The following BSN variants were observed in gnomAD, a reference collection of about 807,000 sequenced individuals.
BSN encodes the protein bassoon presynaptic cytomatrix protein, also known as protein bassoon.
A neutral mutation model predicts 264.8 loss-of-function variants in BSN; 57 were observed. The observed-to-expected ratio is 0.22, with a 90% confidence interval of 0.17 to 0.27. BSN has a LOEUF of 0.27. Ranked by LOEUF, BSN falls within the 10% of genes least tolerant of loss-of-function variation. The pLI is 1.00. For synonymous variants in BSN, 2,059 were observed against 2,137.3 expected (o/e 0.96, Z 1.01); for missense variants, 4,615 against 5,232.5 (o/e 0.88, Z 3.64).
rs766411304 is a variant in BSN, at chr3:49,657,028, C to T, written c.7472C>T (p.Ala2491Val). Residue 2491 changes from alanine to valine, a missense_variant, in exon 5 of 12, where the codon GCG (alanine) becomes GTG (valine). Around this residue, in one of 3 missense-constraint regions of BSN, gnomAD observed 3,415 missense variants for 3,866.4 expected, o/e 0.88. Coordinates refer to ENST00000296452, the MANE Select transcript of BSN (RefSeq NM_003458.4). ...GCACCTGGCCGAGGGCCTCCCCTAG[C>T]GGCTGCTGAGTTGGCCCAGAATGGC... The part of the protein sequence containing the change: ...CEAPGRGPPL[A>V]AAELAQNGQY... The T allele has an allele frequency of 2.4e-5, 38 of 1,610,162 alleles. No homozygotes were observed. The East Asian group carries it at 7.4e-4, about 31-fold the overall frequency.
chr3:49,556,105 T>A (rs2051669212), intron 1 of BSN, among the ~76,000 whole-genome samples: 1 of 152,244 alleles, frequency 6.6e-6, no homozygotes. Flanking sequence ...CTGCAAACAC[T>A]GTCCATTTTG....
rs1365562359 is a variant in BSN, at chr3:49,652,090, G to A, written c.2534G>A (p.Arg845Gln). 3.7e-6 allele frequency: 6 copies of A among 1,610,838 alleles called. No homozygotes were observed. Among genetic ancestry groups the A allele is most frequent in the South Asian group, 1.1e-5 (1 of 90,760 alleles). Residue 845 changes from arginine to glutamine, a missense_variant, in exon 5 of 12, where the codon CGG (arginine) becomes CAG (glutamine). Around this residue, in one of 3 missense-constraint regions of BSN, gnomAD observed 1,197 missense variants for 1,348.0 expected, o/e 0.89. Transcript: ENST00000296452. ...AELTDEDFMR[R>Q]QILEMSAEED... ...CTGACTGATGAGGATTTCATGCGAC[G>A]GCAGATTCTCGAGATGAGCGCCGAG...
chr3:49,622,038 A>T (rs1463793620), intron 1 of BSN, among the ~76,000 whole-genome samples: 1 of 152,192 alleles, frequency 6.6e-6, no homozygotes, highest in Non-Finnish European at 1.5e-5. Context: ...AATTGAAATG[A>T]TCCAATAGAG....
chr3:49,593,273 G>A (rs578067225), intron 1 of BSN, among the ~76,000 whole-genome samples: 1 of 152,280 alleles, frequency 6.6e-6, no homozygotes, highest in African/African-American at 2.4e-5. Context: ...TGGTATGCAT[G>A]TATCACAGTT....
intron 2 of BSN, among the ~76,000 whole-genome samples, chr3:49,630,246 A>G (rs1330725853): frequency 6.6e-6 from 1 of 152,196 alleles, no homozygotes; most frequent in Non-Finnish European, 1.5e-5. Context: ...GAGGGGAGGT[A>G]AAGGTGTCTT....
Position 49,657,223 on chromosome 3 carries a change from G to A in BSN, c.7667G>A (p.Arg2556Gln), listed in dbSNP as rs767629394. ...WEASRSGIKK[R>Q]HSMPRLRDAC... ...GCCAGCCGTAGTGGCATCAAGAAGC[G>A]GCACTCCATGCCACGCCTGCGGGAT... is the stretch of plus-strand genomic sequence containing the variant. Residue 2556 changes from arginine (R) to glutamine (Q), a missense_variant, in exon 5 of 12, where the codon CGG (arginine) becomes CAG (glutamine). Coordinates refer to ENST00000296452, the MANE Select transcript of BSN (RefSeq NM_003458.4). 4.3e-6 allele frequency: 7 copies of A among 1,613,464 alleles called. No homozygotes were observed. The highest frequency in any genetic ancestry group is 1.3e-5 in the African/African-American group (1 of 75,072).
intron 1 of BSN, among the ~76,000 whole-genome samples, chr3:49,615,671 G>C (rs772231008): frequency 6.6e-6 from 1 of 152,144 alleles, no homozygotes; most frequent in Non-Finnish European, 1.5e-5. Flanking sequence ...CTGTGGCTGC[G>C]TTTTATGGAG....
intron 1 of BSN, among the ~76,000 whole-genome samples, chr3:49,612,031 A>AT (rs1323292363): frequency 1.3e-5 from 2 of 152,168 alleles, no homozygotes; most frequent in Non-Finnish European, 2.9e-5. Flanking sequence ...GAAAAAAGAC[A>AT]TTTTTTCCTT....
intron 9 of BSN, 85 bp downstream of exon 9, chr3:49,664,639 C>T: frequency 1.9e-6 from 3 of 1,545,654 alleles, no homozygotes; most frequent in Non-Finnish European, 2.6e-6. Flanking sequence ...CTCAGTCACC[C>T]AGGCAGAGGC....
In BSN at chr3:49,660,608, C is replaced by T. The variant is rs2052645656; in HGVS notation, c.8763C>T (p.Ser2921=). Residue 2921 remains serine (S), a synonymous_variant, in exon 6 of 12, where the codon AGC becomes AGT. Transcript: ENST00000296452. The surrounding 1 kb of genome is among the most constrained non-coding windows in gnomAD (Gnocchi z 7.1). ...GQASPQLYAA[S]LLQRGLTGPT... Reference sequence around the variant, plus strand: ...CCTCCCCACAGCTGTATGCAGCCAGCCTGCTGCAGCGAGGGCTGACGGGGC... The same window carrying T: ...CCTCCCCACAGCTGTATGCAGCCAGTCTGCTGCAGCGAGGGCTGACGGGGC... 2 of 1,612,804 alleles carry T rather than the reference C, an allele frequency of 1.2e-6. No individual in the cohort carries two copies. Among genetic ancestry groups the T allele is most frequent in the African/African-American group, 1.3e-5 (1 of 75,048 alleles).
rs2052754806 is a variant in BSN at position 49,671,195 on chromosome 3, T to C, written c.*3710T>C. On this transcript the variant is annotated 3_prime_UTR_variant, in exon 12 of 12. Transcript: ENST00000296452. The surrounding 1 kb of genome is among the most constrained non-coding windows in gnomAD (Gnocchi z 4.1). Reference sequence around the variant, plus strand: ...GTGTGTGTTTCTGCCTCATTCAGTTTCTGGGGTCAAATCAGCTCCTTCTCT... The same window carrying C: ...GTGTGTGTTTCTGCCTCATTCAGTTCCTGGGGTCAAATCAGCTCCTTCTCT... 1 of 152,432 alleles carries C rather than the reference T, an allele frequency of 6.6e-6. No individual in the cohort carries two copies. Among genetic ancestry groups the C allele is most frequent in the Non-Finnish European group, 1.5e-5 (1 of 68,254 alleles). The allele number at this position is 152,432 out of a possible 1,614,324, so 9.4% of individuals were successfully genotyped here. A position where few individuals can be genotyped will look rare whatever the true frequency, so the allele number is the denominator to read the frequency against.
chr3:49,584,865 C>T (rs958184143), intron 1 of BSN, among the ~76,000 whole-genome samples: 2 of 152,098 alleles, frequency 1.3e-5, no homozygotes, highest in Non-Finnish European at 2.9e-5. Flanking sequence ...TTTCAGATCC[C>T]ACGAATAAGT....
chr3:49,655,552 A>G lies in BSN; in HGVS notation c.5996A>G (p.Gln1999Arg), dbSNP rs1181777486. Residue 1999 changes from glutamine to arginine, a missense_variant, in exon 5 of 12, where the codon CAG becomes CGG. Coordinates refer to ENST00000296452, the MANE Select transcript of BSN (RefSeq NM_003458.4). ...LAEAGLNYHA[Q>R]RIGQLFQGPG... ...GAGGCTGGCCTCAACTACCATGCCC[A>G]GAGGATCGGGCAGCTCTTCCAGGGT... 1.2e-6 allele frequency: 2 copies of G among 1,613,254 alleles called. No individual in the cohort carries two copies. Among genetic ancestry groups the G allele is most frequent in the South Asian group, 1.1e-5 (1 of 91,076 alleles).
At chr3:49,588,894 G>A (rs1345994942) in intron 1 of BSN, among the ~76,000 whole-genome samples, 1 of 151,344 alleles carries the variant, frequency 6.6e-6, no homozygotes, top group Non-Finnish European at 1.5e-5. Context: ...AGAAGAGTGC[G>A]CATTCTGCTG....
rs564866369 is a variant in BSN at position 49,653,517 on chromosome 3, G to A, written c.3961G>A (p.Val1321Met). The change falls in exon 5 of 12, where the codon GTG becomes ATG. Residue 1321 changes from valine (V) to methionine (M), a missense_variant. This residue lies in a region of BSN where 3,415 missense variants were observed against 3,866.4 expected (regional missense o/e 0.88). Coordinates refer to ENST00000296452, the MANE Select transcript of BSN (RefSeq NM_003458.4). This position sits in a 1 kb window ranked among gnomAD's most constrained non-coding sequence, Gnocchi z 6.3. ...GTSPTQLAAP[V>M]SFSTPTSSDS... ...CAGTCCCACCCAGCTCGCTGCCCCT[G>A]TGTCCTTCTCTACCCCCACCTCCTC... 6.2e-7 allele frequency: 1 copy of A among 1,613,922 alleles called. No individual in the cohort carries two copies. Among genetic ancestry groups the A allele is most frequent in the South Asian group, 1.1e-5 (1 of 91,072 alleles).
intron 11 of BSN, among the ~76,000 whole-genome samples, chr3:49,665,697 A>C (rs940141688): frequency 1.9e-4 from 29 of 152,150 alleles, no homozygotes; most frequent in African/African-American, 7.0e-4. Context: ...CTTGGAAGAG[A>C]TTAGAGTCCC....
chr3:49,560,093 C>G (rs2051701059), intron 1 of BSN, among the ~76,000 whole-genome samples: 1 of 152,078 alleles, frequency 6.6e-6, no homozygotes. Context: ...AAAAGTCATG[C>G]CTTTCACCCC....
At position 49,554,745 on chromosome 3, in the gene BSN, C is replaced by G; in HGVS notation, c.143C>G (p.Ala48Gly). ...SAPAGGGQLPAAGAARSTAVP... is the reference protein window; with the variant it reads ...SAPAGGGQLPGAGAARSTAVP... ...CCGGCCGGTGGCGGACAGCTCCCCGCGGCGGGAGCAGCGCGGTCGACCGCG... is the reference window on the plus strand; with the variant it reads ...CCGGCCGGTGGCGGACAGCTCCCCGGGGCGGGAGCAGCGCGGTCGACCGCG... The change falls in exon 1 of 12, where the codon GCG becomes GGG. Residue 48 changes from alanine to glycine, a missense_variant. Ala to Gly is a moderately conservative substitution (Grantham distance 60). Coordinates refer to ENST00000296452, the MANE Select transcript of BSN (RefSeq NM_003458.4). 8.1e-7 allele frequency: 1 copy of G among 1,229,936 alleles called. No homozygotes were observed. The highest frequency in any genetic ancestry group is 3.5e-5 in the South Asian group (1 of 28,352). 76.2% of individuals were successfully genotyped at this position (1,229,936 alleles called of 1,614,324 possible).
At position 49,662,014 on chromosome 3, in the gene BSN, C is replaced by A. The variant is rs199632264; in HGVS notation, c.10169C>A (p.Pro3390Gln). The A allele has an allele frequency of 5.0e-6, 8 of 1,613,782 alleles. No individual in the cohort carries two copies. Among genetic ancestry groups the A allele is most frequent in the Admixed American group, 1.7e-5 (1 of 60,004 alleles). Residue 3390 changes from proline to glutamine, a missense_variant, in exon 6 of 12, where the codon CCA becomes CAA. Pro to Gln is a moderately conservative substitution (Grantham distance 76). Around this residue, in one of 3 missense-constraint regions of BSN, gnomAD observed 3,415 missense variants for 3,866.4 expected, o/e 0.88. Coordinates refer to ENST00000296452, the MANE Select transcript of BSN (RefSeq NM_003458.4). ...DVESDLASYP[P>Q]PAVSSSLVSR... ...GAGTCAGACCTGGCGTCCTACCCCC[C>A]ACCTGCAGTCAGCAGCAGCCTGGTC...
Sources: gnomAD v4.1 joint callset for allele counts (sites outside exome capture counted in the v4.1 genomes callset) on GRCh38, gnomAD v4.1.1 for gene constraint, gnomAD v4.1.1 regional missense constraint, Gnocchi (gnomAD v3.1) non-coding constraint, MANE v1.5 for transcripts, NCBI Gene and HGNC (gene_info 2026-07-23, HGNC 2026-07-21) for gene names.